The following STXBP5 variants were observed in gnomAD, a reference collection of about 807,000 sequenced individuals.
STXBP5 encodes syntaxin-binding protein 5.
Under a neutral mutation model 152.4 loss-of-function variants are expected in STXBP5, and 50 were observed. That is an observed-to-expected ratio of 0.33 (90% CI 0.26 to 0.42). The LOEUF (loss-of-function observed/expected upper bound fraction) is 0.42, where lower values mean the gene tolerates loss of function less well. Ranked by LOEUF, STXBP5 falls within the 10% of genes least tolerant of loss-of-function variation. The pLI, the probability that STXBP5 is intolerant of heterozygous loss-of-function variation, is 1.00. For synonymous variants in STXBP5, 492 were observed against 494.7 expected, an observed-to-expected ratio of 0.99 and a Z score of 0.07; for missense variants, 1,167 against 1,388.6, an observed-to-expected ratio of 0.84 and a Z score of 2.54.
At chr6:147,310,450 G>A (rs904457417) in intron 10 of STXBP5, among the ~76,000 whole-genome samples, 1 of 152,098 alleles carries the variant, frequency 6.6e-6, no homozygotes, top group African/African-American at 2.4e-5. Flanking sequence ...TTCATATTAA[G>A]AAACATTTTA....
chr6:147,280,269 A>G (rs1012392359), intron 8 of STXBP5, among the ~76,000 whole-genome samples: 2 of 152,078 alleles, frequency 1.3e-5, no homozygotes, highest in Admixed American at 6.5e-5. Context: ...GTTTTGTCTC[A>G]TGTTTATTCA....
chr6:147,379,366 T>A (rs543847309), intron 26 of STXBP5, among the ~76,000 whole-genome samples: 11 of 152,110 alleles, frequency 7.2e-5, no homozygotes, highest in South Asian at 4.1e-4. Context: ...ATGTTCAGAA[T>A]CTCCATGGGG....
chr6:147,258,298 T>C (rs1401805899), intron 4 of STXBP5, among the ~76,000 whole-genome samples: 1 of 152,368 alleles, frequency 6.6e-6, no homozygotes, highest in Non-Finnish European at 1.5e-5. Context: ...TTCTATTGCA[T>C]GTGACTCAAA....
chr6:147,373,895 A>G (rs1785684481), intron 26 of STXBP5, 53 bp downstream of exon 26: 1 of 1,413,124 alleles, frequency 7.1e-7, no homozygotes, highest in Non-Finnish European at 9.8e-7. Flanking sequence ...GGAACAAGCC[A>G]TACAAAAATT....
intron 16 of STXBP5, among the ~76,000 whole-genome samples, chr6:147,319,558 C>A (rs1782809058): frequency 6.6e-6 from 1 of 152,092 alleles, no homozygotes; most frequent in Non-Finnish European, 1.5e-5. Context: ...AACTTTATAA[C>A]AACTAACCTC....
Position 147,384,706 on chromosome 6 carries a change from C to G in STXBP5, c.3415-8C>G. 1.2e-6 allele frequency: 2 copies of G among 1,607,914 alleles called. No homozygotes were observed. Among genetic ancestry groups the G allele is most frequent in the Non-Finnish European group, 1.7e-6 (2 of 1,177,188 alleles). On this transcript the variant is annotated splice_polypyrimidine_tract_variant and splice_region_variant and intron_variant, in intron 27 of 27. Transcript: ENST00000321680. The stretch of plus-strand genomic sequence containing the variant: ...AAAAGCATGTTTTTCTTTTTTTTCC[C>G]CCTTTAGATTATGTTGAAATACAAA...
intron 9 of STXBP5, among the ~76,000 whole-genome samples, chr6:147,306,252 T>C (rs572176983): frequency 4.3e-4 from 65 of 152,286 alleles, no homozygotes; most frequent in Non-Finnish European, 8.5e-4. Context: ...GGTACCTAGC[T>C]GTGGTTTTGG....
At chr6:147,288,559 T>G (rs970604336) in intron 8 of STXBP5, among the ~76,000 whole-genome samples, 9 of 152,180 alleles carry the variant, frequency 5.9e-5, no homozygotes, top group Admixed American at 5.9e-4. Flanking sequence ...ATGTTTAACT[T>G]TAGTTGTTTT....
In STXBP5 at chr6:147,204,472, C is replaced by A; in HGVS notation, c.-61C>A. On this transcript the variant is annotated 5_prime_UTR_variant, in exon 1 of 28. Transcript: ENST00000321680. This position sits in a 1 kb window ranked among gnomAD's most constrained non-coding sequence, Gnocchi z 4.3. The stretch of plus-strand genomic sequence containing the variant: ...AGCTGCCTTCGGCCCCGGGTGGTCT[C>A]CCCCGCCCGGGGACCCCCTGTGCCT... 6.4e-7 allele frequency: 1 copy of A among 1,571,738 alleles called. No homozygotes were observed.
At chr6:147,299,344 G>A (rs1296058331) in intron 9 of STXBP5, among the ~76,000 whole-genome samples, 1 of 151,784 alleles carries the variant, frequency 6.6e-6, no homozygotes, top group Non-Finnish European at 1.5e-5. Flanking sequence ...TAACAAGCGA[G>A]GGAATTGAAT....
intron 4 of STXBP5, among the ~76,000 whole-genome samples, chr6:147,241,488 T>A (rs1232764410): frequency 6.6e-6 from 1 of 152,202 alleles, no homozygotes; most frequent in Non-Finnish European, 1.5e-5. Flanking sequence ...TCTCTGTAGT[T>A]TTTGCTTTTT....
chr6:147,323,224 C>G (rs1783027668), intron 16 of STXBP5, among the ~76,000 whole-genome samples: 2 of 152,068 alleles, frequency 1.3e-5, no homozygotes, highest in Admixed American at 1.3e-4. Context: ...AAATGTAAAG[C>G]CTTGTCTGTT....
At chr6:147,284,838 GAA>G (rs1424594365) in intron 8 of STXBP5, among the ~76,000 whole-genome samples, 1 of 152,210 alleles carries the variant, frequency 6.6e-6, no homozygotes, top group Non-Finnish European at 1.5e-5. Flanking sequence ...TAAAAAGTTT[GAA>G]CTTCATAATG....
intron 22 of STXBP5, among the ~76,000 whole-genome samples, chr6:147,354,683 A>G (rs1005016052): frequency 3.3e-5 from 5 of 152,188 alleles, no homozygotes; most frequent in African/African-American, 4.8e-5. Flanking sequence ...AAAAAATACC[A>G]TAGCCAATTA....
In STXBP5 at chr6:147,373,681, G is replaced by A. The variant is rs200523243; in HGVS notation, c.3082-50G>A. ...TACAGTGATACTTTTGTTCATTATA[G>A]TTTAGTTTCCCTGAAATTTCAACAG... is the stretch of plus-strand genomic sequence containing the variant. On this transcript the variant is annotated intron_variant, in intron 25 of 27. Transcript: ENST00000321680. 71 of 1,377,658 alleles carry A rather than the reference G, an allele frequency of 5.2e-5. 2 individuals carry two copies. In the East Asian group the frequency reaches 1.6e-3, roughly 32 times the overall value. 85.3% of individuals were successfully genotyped at this position (1,377,658 alleles called of 1,614,324 possible).
At chr6:147,271,202 A>G (rs947880756) in intron 7 of STXBP5, among the ~76,000 whole-genome samples, 1 of 152,150 alleles carries the variant, frequency 6.6e-6, no homozygotes, top group Non-Finnish European at 1.5e-5. Flanking sequence ...ATCTAACCAC[A>G]TACTGTCTGT....
chr6:147,249,983 T>C (rs964822309), intron 4 of STXBP5, among the ~76,000 whole-genome samples: 2 of 152,210 alleles, frequency 1.3e-5, no homozygotes, highest in Non-Finnish European at 2.9e-5. Flanking sequence ...GACTTTTGTC[T>C]AAAGGAGTAA....
chr6:147,336,908 A>G (rs1162067578), intron 19 of STXBP5, among the ~76,000 whole-genome samples: 2 of 152,100 alleles, frequency 1.3e-5, no homozygotes, highest in Non-Finnish European at 2.9e-5. Context: ...TGTGATCTCA[A>G]CTGTTTAGTT....
chr6:147,326,320 T>A (rs1033019196), intron 17 of STXBP5, among the ~76,000 whole-genome samples: 1 of 152,196 alleles, frequency 6.6e-6, no homozygotes, highest in Non-Finnish European at 1.5e-5. Context: ...AGGCTTACAG[T>A]TGTATTTTGT....
Sources: gnomAD v4.1 joint callset for allele counts (sites outside exome capture counted in the v4.1 genomes callset) on GRCh38, gnomAD v4.1.1 for gene constraint, Gnocchi (gnomAD v3.1) non-coding constraint, MANE v1.5 for transcripts, NCBI Gene and HGNC (gene_info 2026-07-23, HGNC 2026-07-21) for gene names.